Variants in DMD observed in about 807,000 individuals in gnomAD.
The protein encoded by DMD is dystrophin.
DMD carries 63 observed loss-of-function variants against 330.1 expected under a neutral mutation model. The ratio of observed to expected loss-of-function variants is 0.19; its 90% CI spans 0.16 to 0.24. The LOEUF (loss-of-function observed/expected upper bound fraction) is 0.24, where lower values mean the gene tolerates loss of function less well. Among genes scored for constraint, DMD ranks in the 10% least tolerant of loss-of-function variants. The pLI is 1.00. For synonymous variants in DMD, 1,223 were observed against 959.8 expected (o/e 1.27, Z -5.07); for missense variants, 3,344 against 2,684.1 (o/e 1.25, Z -5.43).
chrX:31,576,759 GT>G (rs201477815), intron 55 of DMD, among the ~76,000 whole-genome samples: 1 of 103,648 alleles, frequency 9.6e-6, no homozygotes, highest in Non-Finnish European at 2.0e-5. Context: ...ATATGAGGTT[GT>G]TTTTTTTTGA....
At chrX:33,005,089 G>A (rs2093365096) in intron 2 of DMD, among the ~76,000 whole-genome samples, 1 of 110,562 alleles carries the variant, frequency 9.0e-6, no homozygotes. Context: ...CATTACCACT[G>A]CTTGCAATTG....
intron 18 of DMD, among the ~76,000 whole-genome samples, chrX:32,505,686 C>T (rs150648560): frequency 0.014 from 1,611 of 112,230 alleles, 22 homozygotes; most frequent in Middle Eastern, 0.037. Context: ...CATATGTCCA[C>T]TCAAATTCCT....
At chrX:33,297,167 A>AC (rs1446424678) in intron 1 of DMD, among the ~76,000 whole-genome samples, 1 of 111,660 alleles carries the variant, frequency 9.0e-6, no homozygotes, top group Non-Finnish European at 1.9e-5. Context: ...GTACACACAC[A>AC]CATTAGTGTA....
chrX:32,718,927 TC>T (rs2065987778), intron 7 of DMD, among the ~76,000 whole-genome samples: 1 of 112,135 alleles, frequency 8.9e-6, no homozygotes, highest in Admixed American at 9.5e-5. Context: ...TTAATAACCT[TC>T]CATATTTAAA....
chrX:31,928,886 G>A (rs2094817023), intron 47 of DMD, among the ~76,000 whole-genome samples: 1 of 111,379 alleles, frequency 9.0e-6, no homozygotes, highest in African/African-American at 3.3e-5. Flanking sequence ...AAATGGAAGA[G>A]GATACAGAAT....
chrX:31,470,349 G>A (rs2067202902), intron 59 of DMD, among the ~76,000 whole-genome samples: 1 of 111,587 alleles, frequency 9.0e-6, no homozygotes, highest in African/African-American at 3.3e-5. Context: ...ACCTTCAGAT[G>A]GGGTTTTTGT....
intron 2 of DMD, among the ~76,000 whole-genome samples, chrX:32,871,641 TAC>T (rs2149145242): frequency 9.0e-6 from 1 of 111,591 alleles, no homozygotes; most frequent in South Asian, 3.9e-4. Context: ...TTGTGTAAGA[TAC>T]AGTTTGACTC....
chrX:32,900,369 C>A (rs930506432), intron 2 of DMD, among the ~76,000 whole-genome samples: 1 of 110,968 alleles, frequency 9.0e-6, no homozygotes, highest in East Asian at 2.8e-4. Flanking sequence ...AGAGAAGGGC[C>A]CTCACTCTGT....
intron 34 of DMD, among the ~76,000 whole-genome samples, chrX:32,369,005 T>A (rs1325432614): frequency 9.0e-6 from 1 of 111,601 alleles, no homozygotes; most frequent in East Asian, 2.8e-4. Flanking sequence ...TAAGTCCACC[T>A]TCAGGAGATT....
At chrX:31,130,047 G>C (rs1363850537) in intron 77 of DMD, among the ~76,000 whole-genome samples, 1 of 111,413 alleles carries the variant, frequency 9.0e-6, no homozygotes, top group Non-Finnish European at 1.9e-5. Context: ...TAGTAGCACT[G>C]CTAACTGCTT....
At chrX:33,190,964 TATAA>T (rs2050577948) in intron 1 of DMD, among the ~76,000 whole-genome samples, 1 of 1,266 alleles carries the variant, frequency 7.9e-4, no homozygotes, top group East Asian at 0.071. Flanking sequence ...TATATATATA[TATAA>T]TATATAATAT....
intron 9 of DMD, among the ~76,000 whole-genome samples, chrX:32,678,395 T>G: frequency 9.0e-6 from 1 of 111,705 alleles, no homozygotes; most frequent in East Asian, 2.8e-4. Context: ...TAGACAAAAG[T>G]GAGCACAATG....
intron 18 of DMD, among the ~76,000 whole-genome samples, chrX:32,505,716 G>A (rs1453342447): frequency 8.9e-6 from 1 of 112,044 alleles, no homozygotes; most frequent in African/African-American, 3.2e-5. Context: ...TGCTGCAGCA[G>A]CTTTGTTTGT....
intron 4 of DMD, among the ~76,000 whole-genome samples, chrX:32,840,606 A>G (rs961696729): frequency 5.3e-5 from 6 of 112,334 alleles, no homozygotes; most frequent in Middle Eastern, 4.6e-3. Flanking sequence ...TACTCCTTCC[A>G]AAAGTTAACC....
intron 1 of DMD, among the ~76,000 whole-genome samples, chrX:33,228,115 A>G (rs1271523705): frequency 9.0e-6 from 1 of 111,623 alleles, no homozygotes; most frequent in Non-Finnish European, 1.9e-5. Flanking sequence ...TGGGTTTAAT[A>G]GATGTCTAAA....
chrX:32,026,723 C>T (rs906923383), intron 44 of DMD, among the ~76,000 whole-genome samples: 3 of 111,752 alleles, frequency 2.7e-5, no homozygotes, highest in African/African-American at 9.8e-5. Context: ...AGGTTAATGC[C>T]AGTAGCTATA....
At chrX:31,928,236 A>G (rs2094805944) in intron 47 of DMD, among the ~76,000 whole-genome samples, 2 of 111,694 alleles carry the variant, frequency 1.8e-5, no homozygotes, top group Admixed American at 1.9e-4. Flanking sequence ...AGTAGTCCAG[A>G]GGCTACTAGC....
intron 62 of DMD, among the ~76,000 whole-genome samples, chrX:31,299,033 A>G (rs1436368110): frequency 8.9e-6 from 1 of 111,734 alleles, no homozygotes; most frequent in Admixed American, 9.5e-5. Context: ...ATGATGGAAG[A>G]CTGTTGCTAT....
chrX:32,438,584 A>AT (rs1251913238), intron 28 of DMD, among the ~76,000 whole-genome samples, 194 bp from the exon 29 acceptor site: 1 of 111,731 alleles, frequency 9.0e-6, no homozygotes, highest in Non-Finnish European at 1.9e-5. Context: ...ATGAATCTTC[A>AT]TGGGATTATG....
Sources: gnomAD v4.1 joint callset for allele counts (sites outside exome capture counted in the v4.1 genomes callset) on GRCh38, gnomAD v4.1.1 for gene constraint, MANE v1.5 for transcripts, NCBI Gene and HGNC (gene_info 2026-07-23, HGNC 2026-07-21) for gene names.